INTS6L: variants seen among roughly 807,000 people sequenced by gnomAD.
The protein encoded by INTS6L is integrator complex subunit 6-like.
Under a neutral mutation model 64.7 loss-of-function variants are expected in INTS6L, and 18 were observed. The observed-to-expected ratio is 0.28, with a 90% CI of 0.19 to 0.41. The LOEUF is 0.41. Ranked by LOEUF, INTS6L falls within the 10% of genes least tolerant of loss-of-function variation. INTS6L has a pLI of 1.00. For missense variants in INTS6L, 533 were observed against 661.0 expected (o/e 0.81, Z 2.12); for synonymous variants, 227 against 235.9 (o/e 0.96, Z 0.34).
intron 15 of INTS6L, 112 bp downstream of exon 15, chrX:135,577,539 T>A: frequency 1.3e-6 from 1 of 756,617 alleles, no homozygotes; most frequent in Non-Finnish European, 1.9e-6. Context: ...GTTCATTAAG[T>A]AAGCCATTAC....
At chrX:135,544,435 G>A (rs890572008) in intron 2 of INTS6L, among the ~76,000 whole-genome samples, 1 of 111,317 alleles carries the variant, frequency 9.0e-6, no homozygotes, top group Non-Finnish European at 1.9e-5. Context: ...GGTTTATCTC[G>A]GTATCATTTG....
At position 135,579,844 on chromosome X, in the gene INTS6L, C is replaced by A; in HGVS notation, c.2176C>A (p.Pro726Thr). 2.5e-6 allele frequency: 3 copies of A among 1,209,830 alleles called. No homozygotes were observed. The highest frequency in any genetic ancestry group is 1.8e-5 in the South Asian group (1 of 56,547). ...GAAGATGGAAAATGGTCAGATCACA[C>A]CTGATGGCTTCCTGTCAAAATCTGC... is the stretch of plus-strand genomic sequence containing the variant. ...EEKMENGQITPDGFLSKSAPS... is the reference protein window; with the variant it reads ...EEKMENGQITTDGFLSKSAPS... Residue 726 changes from proline to threonine, a missense_variant, in exon 16 of 18, where the codon CCT becomes ACT. Physicochemically the swap from Pro to Thr is conservative, Grantham distance 38. Coordinates refer to ENST00000639893, the MANE Select transcript of INTS6L (RefSeq NM_001351601.3).
chrX:135,538,369 A>G (rs1556510326), intron 2 of INTS6L, among the ~76,000 whole-genome samples: 3 of 112,549 alleles, frequency 2.7e-5, no homozygotes, highest in South Asian at 3.7e-4. Context: ...CAACTCATTC[A>G]TTAAAGTTTT....
At chrX:135,568,175 T>C (rs782321662) in intron 9 of INTS6L, among the ~76,000 whole-genome samples, 1 of 111,621 alleles carries the variant, frequency 9.0e-6, no homozygotes, top group East Asian at 2.8e-4. Flanking sequence ...TTTCTTACAC[T>C]TGGAAGGAAA....
rs1234813877 is a variant in INTS6L at position 135,548,049 on chromosome X, A to G, written c.742+784A>G. On this transcript the variant is annotated intron_variant, in intron 6 of 17. Coordinates refer to ENST00000639893, the MANE Select transcript of INTS6L (RefSeq NM_001351601.3). ...TATATGTATGTAAATGTGTAAGTGT[A>G]TATATATATATATATATACACACAC... Among the ~76,000 whole-genome samples the G allele has an allele frequency of 9.6e-3, 150 of 15,613 alleles. 1 individual carries two copies. The highest frequency in any genetic ancestry group is 0.02 in the African/African-American group (146 of 7,358). 13.6% of individuals were successfully genotyped at this position (15,613 alleles called of 115,157 possible).
intron 8 of INTS6L, among the ~76,000 whole-genome samples, chrX:135,553,100 A>C (rs948603774): frequency 8.9e-6 from 1 of 112,379 alleles, no homozygotes; most frequent in African/African-American, 3.2e-5. Context: ...AATCTCACAA[A>C]CATAATACTG....
chrX:135,521,323 AG>A lies in INTS6L; in HGVS notation c.189+9del. The A allele has an allele frequency of 8.4e-7, 1 of 1,194,486 alleles. No homozygotes were observed. The highest frequency in any genetic ancestry group is 1.1e-6 in the Non-Finnish European group (1 of 886,736). On this transcript the variant is annotated splice_donor_region_variant and intron_variant, in intron 2 of 17. Coordinates refer to ENST00000639893, the MANE Select transcript of INTS6L (RefSeq NM_001351601.3). ...GAACCCCCGTACTGCATCAAGGTAA[AG>A]GGGCTACGGGTGGGGGGACAGGCGG...
At chrX:135,563,805 TG>T (rs1337360490) in intron 9 of INTS6L, among the ~76,000 whole-genome samples, 1 of 109,317 alleles carries the variant, frequency 9.1e-6, no homozygotes, top group Non-Finnish European at 1.9e-5. Flanking sequence ...GTTCTTCCTC[TG>T]TAAGTGAGGT....
chrX:135,567,843 A>G (rs782624306), intron 9 of INTS6L, among the ~76,000 whole-genome samples: 17 of 112,351 alleles, frequency 1.5e-4, no homozygotes, highest in African/African-American at 5.5e-4. Flanking sequence ...TTGTAAATTC[A>G]TTTAAATTTG....
chrX:135,579,497 G>C (rs1467169439), intron 15 of INTS6L, among the ~76,000 whole-genome samples: 1 of 111,707 alleles, frequency 9.0e-6, no homozygotes, highest in Admixed American at 9.5e-5. Flanking sequence ...TTTTCAACTT[G>C]TAAAGCATAA....
At chrX:135,546,163 T>C (rs980853661) in intron 3 of INTS6L, among the ~76,000 whole-genome samples, 6 of 111,836 alleles carry the variant, frequency 5.4e-5, no homozygotes, top group African/African-American at 1.6e-4. Flanking sequence ...GTTTGGGGAG[T>C]TCCTGAATTA....
Position 135,575,143 on chromosome X carries a change from T to C in INTS6L, c.1801T>C (p.Leu601=), listed in dbSNP as rs782145063. 1.7e-5 allele frequency: 20 copies of C among 1,210,069 alleles called. No individual in the cohort carries two copies. Among genetic ancestry groups the C allele is most frequent in the Non-Finnish European group, 2.2e-5 (20 of 895,117 alleles). The change falls in exon 14 of 18, where the codon TTG becomes CTG. Residue 601 remains leucine, a synonymous_variant. Coordinates refer to ENST00000639893, the MANE Select transcript of INTS6L (RefSeq NM_001351601.3). ...MGNYQEYLKT[L]ASPLREIDPD... Reference sequence around the variant, plus strand: ...TAACTATCAGGAATATCTGAAGACATTGGCTTCTCCACTGCGAGAGATTGA... The same window carrying C: ...TAACTATCAGGAATATCTGAAGACACTGGCTTCTCCACTGCGAGAGATTGA...
chrX:135,538,823 C>G (rs1460121398), intron 2 of INTS6L, among the ~76,000 whole-genome samples: 4 of 112,403 alleles, frequency 3.6e-5, no homozygotes, highest in Non-Finnish European at 5.6e-5. Context: ...ACATCTACAT[C>G]AGGGCTCTTG....
chrX:135,571,686 TGG>T (rs2087095344), intron 11 of INTS6L: 1 of 112,248 alleles, frequency 8.9e-6, no homozygotes, highest in Admixed American at 9.4e-5. Flanking sequence ...TGTTTTGGTT[TGG>T]TTATTTATTT....
intron 7 of INTS6L, 116 bp from the exon 8 acceptor site, chrX:135,551,878 T>C: frequency 9.0e-6 from 6 of 669,284 alleles, no homozygotes; most frequent in Non-Finnish European, 1.2e-5. Flanking sequence ...AAAATGCTAG[T>C]CTGTATTTCA....
At chrX:135,542,519 A>C (rs2086251925) in intron 2 of INTS6L, among the ~76,000 whole-genome samples, 1 of 109,105 alleles carries the variant, frequency 9.2e-6, no homozygotes, top group East Asian at 2.9e-4. Context: ...AAGAAAAAGA[A>C]AAAGAGAGAG....
rs782076097 is a variant in INTS6L at position 135,556,179 on chromosome X, T to C, written c.1071T>C (p.Thr357=). Residue 357 remains threonine (T), a synonymous_variant, in exon 9 of 18, where the codon ACT becomes ACC. Coordinates refer to ENST00000639893, the MANE Select transcript of INTS6L (RefSeq NM_001351601.3). ...CATGTTATTCTCAGGTATTTGTTAC[T>C]AGCAGTGGAAAGTACAATGAACTTG... ...SPHTCWQVFV[T]SSGKYNELGY... The C allele has an allele frequency of 1.7e-6, 2 of 1,181,090 alleles. No individual in the cohort carries two copies. The highest frequency in any genetic ancestry group is 3.1e-5 in the East Asian group (1 of 32,730).
At chrX:135,562,521 G>T (rs868913667) in intron 9 of INTS6L, among the ~76,000 whole-genome samples, 15 of 111,667 alleles carry the variant, frequency 1.3e-4, no homozygotes, top group Admixed American at 9.5e-5. Context: ...TGTTCCTGTT[G>T]GTTGATGGTG....
At chrX:135,574,932 G>A (rs1181403517) in intron 13 of INTS6L, 152 bp from the exon 14 acceptor site, 1 of 528,672 alleles carries the variant, frequency 1.9e-6, no homozygotes, top group African/African-American at 2.3e-5. Context: ...GATGAAGAGA[G>A]ATGATTCTAG....
Sources: gnomAD v4.1 joint callset for allele counts (sites outside exome capture counted in the v4.1 genomes callset) on GRCh38, gnomAD v4.1.1 for gene constraint, MANE v1.5 for transcripts, NCBI Gene and HGNC (gene_info 2026-07-23, HGNC 2026-07-21) for gene names.